The following KBTBD3 variants were observed in gnomAD, a reference collection of about 807,000 sequenced individuals.
The protein encoded by KBTBD3 is kelch repeat and BTB domain-containing protein 3.
In KBTBD3, 38 loss-of-function variants were observed where a neutral mutation model predicts 49.6. The ratio of observed to expected loss-of-function variants is 0.77; its 90% CI spans 0.59 to 1.00. The LOEUF (loss-of-function observed/expected upper bound fraction) is 1.00, where lower values mean the gene tolerates loss of function less well. Ranked by LOEUF, KBTBD3 falls within the 50% of genes least tolerant of loss-of-function variation. The pLI, the probability that KBTBD3 is intolerant of heterozygous loss-of-function variation, is 0.00. For synonymous variants in KBTBD3, 214 were observed against 250.4 expected (o/e 0.85, Z 1.37); for missense variants, 661 against 712.0 (o/e 0.93, Z 0.81).
rs1350924390 is a variant in KBTBD3 at position 106,052,326 on chromosome 11, CTA to C, written c.*522_*523del. The C allele has an allele frequency of 1.3e-5, 2 of 151,706 alleles. No individual in the cohort carries two copies. Among genetic ancestry groups the C allele is most frequent in the Admixed American group, 1.3e-4 (2 of 15,206 alleles). The allele number at this position is 151,706 out of a possible 1,614,324, so 9.4% of individuals were successfully genotyped here. A position where few individuals can be genotyped will look rare whatever the true frequency, so the allele number is the denominator to read the frequency against. ...AAATGAGTCATTAAAAAAAGTTAAA[CTA>C]TGTTTAGTGTACTATTTATAAAGCT... is the stretch of plus-strand genomic sequence containing the variant. On this transcript the variant is annotated 3_prime_UTR_variant, in exon 4 of 4. Coordinates refer to ENST00000531837, the MANE Select transcript of KBTBD3 (RefSeq NM_198439.3).
At position 106,058,891 on chromosome 11, in the gene KBTBD3, C is replaced by T; in HGVS notation, c.207G>A (p.Val69=). ...KDEIIPCHRC[V]LAACSDFFRA... ...TGAAAAAGTCACTGCATGCTGCTAACACACAACGATGACACGGGATTATTT... is the reference window on the plus strand; with the variant it reads ...TGAAAAAGTCACTGCATGCTGCTAATACACAACGATGACACGGGATTATTT... The change falls in exon 3 of 4, where the codon GTG becomes GTA. Residue 69 remains valine (V), a synonymous_variant. Coordinates refer to ENST00000531837, the MANE Select transcript of KBTBD3 (RefSeq NM_198439.3). 2 of 1,574,422 alleles carry T rather than the reference C, an allele frequency of 1.3e-6. No individual in the cohort carries two copies. Among genetic ancestry groups the T allele is most frequent in the Non-Finnish European group, 1.7e-6 (2 of 1,166,740 alleles).
At chr11:106,058,774 C>T (rs1306396064) in intron 3 of KBTBD3, 91 bp downstream of exon 3, 2 of 731,278 alleles carry the variant, frequency 2.7e-6, no homozygotes, top group African/African-American at 3.8e-5. Context: ...ATTACTGTTG[C>T]ATGTTCTTGT....
At chr11:106,057,521 G>C (rs1295306157) in intron 3 of KBTBD3, 2 of 152,206 alleles carry the variant, frequency 1.3e-5, no homozygotes, top group Non-Finnish European at 2.9e-5. Flanking sequence ...AAGCCTCACA[G>C]GATAGTACTA....
chr11:106,065,314 T>A (rs1466015686), intron 2 of KBTBD3, among the ~76,000 whole-genome samples: 1 of 152,192 alleles, frequency 6.6e-6, no homozygotes. Context: ...CCTGTTTTTG[T>A]TCTATACATG....
At chr11:106,070,742 G>A (rs988086918) in intron 2 of KBTBD3, among the ~76,000 whole-genome samples, 7 of 152,070 alleles carry the variant, frequency 4.6e-5, no homozygotes, top group Non-Finnish European at 8.8e-5. Flanking sequence ...GCTTGTGTGT[G>A]TGCAATAGCC....
intron 3 of KBTBD3, among the ~76,000 whole-genome samples, chr11:106,056,397 T>C (rs1860552942): frequency 6.6e-6 from 1 of 152,156 alleles, no homozygotes; most frequent in Non-Finnish European, 1.5e-5. Context: ...AAGAAATATG[T>C]GCAAAAATTA....
At position 106,052,735 on chromosome 11, in the gene KBTBD3, A is replaced by G. The variant is rs1860444698; in HGVS notation, c.*115T>C. Reference sequence around the variant, plus strand: ...GTTTATTCATATATGGTGTACATACATAATAACTAAAAGCAGGAATGTTTT... The same window carrying G: ...GTTTATTCATATATGGTGTACATACGTAATAACTAAAAGCAGGAATGTTTT... On this transcript the variant is annotated 3_prime_UTR_variant, in exon 4 of 4. Transcript: ENST00000531837. The G allele has an allele frequency of 1.2e-6, 1 of 818,410 alleles. No individual in the cohort carries two copies. The highest frequency in any genetic ancestry group is 2.6e-5 in the Admixed American group (1 of 39,198). The allele number at this position is 818,410 out of a possible 1,614,324, so 50.7% of individuals were successfully genotyped here. A position where few individuals can be genotyped will look rare whatever the true frequency, so the allele number is the denominator to read the frequency against.
At chr11:106,061,926 A>G (rs1019653832) in intron 2 of KBTBD3, among the ~76,000 whole-genome samples, 2 of 151,880 alleles carry the variant, frequency 1.3e-5, no homozygotes, top group Non-Finnish European at 2.9e-5. Flanking sequence ...AGATTAATAC[A>G]TCTGCCTAGT....
Position 106,051,815 on chromosome 11 carries a change from A to C in KBTBD3, c.*1035T>G, listed in dbSNP as rs1024814351. 1 of 151,894 alleles carries C rather than the reference A, an allele frequency of 6.6e-6. No individual in the cohort carries two copies. Among genetic ancestry groups the C allele is most frequent in the Admixed American group, 6.6e-5 (1 of 15,224 alleles). The allele number at this position is 151,894 out of a possible 1,614,324, so 9.4% of individuals were successfully genotyped here. A position where few individuals can be genotyped will look rare whatever the true frequency, so the allele number is the denominator to read the frequency against. On this transcript the variant is annotated 3_prime_UTR_variant, in exon 4 of 4. Transcript: ENST00000531837. The stretch of plus-strand genomic sequence containing the variant: ...TTTTAATTTAGAAAATAATTCACTA[A>C]GAATAATTTACTGAAGTAGTAAACC...
At chr11:106,061,274 A>AT (rs1301642263) in intron 2 of KBTBD3, among the ~76,000 whole-genome samples, 1 of 152,216 alleles carries the variant, frequency 6.6e-6, no homozygotes, top group Non-Finnish European at 1.5e-5. Context: ...TTAAGGCTCC[A>AT]TTCCAGGACC....
intron 2 of KBTBD3, among the ~76,000 whole-genome samples, 170 bp from the exon 3 acceptor site, chr11:106,059,279 T>C (rs1860632897): frequency 6.6e-6 from 1 of 152,240 alleles, no homozygotes; most frequent in Admixed American, 6.5e-5. Context: ...TAAATTCCTT[T>C]TGAATTTTCA....
chr11:106,053,133 TA>T lies in KBTBD3; in HGVS notation c.1555del (p.Tyr519IlefsTer38), dbSNP rs751427564. The T allele has an allele frequency of 6.2e-7, 1 of 1,613,646 alleles. No homozygotes were observed. Among genetic ancestry groups the T allele is most frequent in the Admixed American group, 1.7e-5 (1 of 59,898 alleles). ...GTCTGGACAAAAACTATAAACCTTATAGGTGGAAAGGTCACATATATACAGT... is the reference window on the plus strand; with the variant it reads ...GTCTGGACAAAAACTATAAACCTTATGGTGGAAAGGTCACATATATACAGT... The part of the protein sequence containing the change: ...CTLYICDLST[Y>X]KVYSFCPDTC... On this transcript the variant is annotated frameshift_variant, in exon 4 of 4. Coordinates refer to ENST00000531837, the MANE Select transcript of KBTBD3 (RefSeq NM_198439.3). LOFTEE classifies it high-confidence loss of function.
In KBTBD3 at chr11:106,054,807, G is replaced by T. The variant is rs559342275; in HGVS notation, c.234-352C>A. On this transcript the variant is annotated intron_variant, in intron 3 of 3. Transcript: ENST00000531837. Reference sequence around the variant, plus strand: ...TTTATTTATGGATTAATTAGTAACAGCTGTGCTGGTGATAACTAAAATTAC... The same window carrying T: ...TTTATTTATGGATTAATTAGTAACATCTGTGCTGGTGATAACTAAAATTAC... 2.0e-5 allele frequency among the ~76,000 whole-genome samples: 3 copies of T among 152,088 alleles called. No homozygotes were observed. The South Asian group carries it at 6.2e-4, about 31-fold the overall frequency.
chr11:106,055,437 C>A (rs1378631926), intron 3 of KBTBD3, among the ~76,000 whole-genome samples: 1 of 152,100 alleles, frequency 6.6e-6, no homozygotes, highest in East Asian at 1.9e-4. Flanking sequence ...GTAATGAAAT[C>A]TATTTAAAAA....
rs1860478369 is a variant in KBTBD3 at position 106,053,607 on chromosome 11, T to C, written c.1082A>G (p.His361Arg). Residue 361 changes from histidine to arginine, a missense_variant, in exon 4 of 4, where the codon CAT becomes CGT. By Grantham distance (29) the His-to-Arg change is conservative. Transcript: ENST00000531837. ...KGKCCRTVRL[H>R]IAESYHDATD... ...GGCATCATGATATGACTCGGCAATATGCAGTCGAACCGTTCGACAACATTT... is the reference window on the plus strand; with the variant it reads ...GGCATCATGATATGACTCGGCAATACGCAGTCGAACCGTTCGACAACATTT... 2 of 1,613,802 alleles carry C rather than the reference T, an allele frequency of 1.2e-6. No individual in the cohort carries two copies. Among genetic ancestry groups the C allele is most frequent in the Non-Finnish European group, 1.7e-6 (2 of 1,179,912 alleles).
intron 2 of KBTBD3, among the ~76,000 whole-genome samples, chr11:106,074,054 A>T (rs891491524): frequency 6.6e-6 from 1 of 152,186 alleles, no homozygotes; most frequent in Non-Finnish European, 1.5e-5. Flanking sequence ...CTAGAAATAC[A>T]GCGAAAAACA....
intron 3 of KBTBD3, among the ~76,000 whole-genome samples, chr11:106,056,807 A>G (rs1176029020): frequency 4.6e-5 from 7 of 152,164 alleles, no homozygotes; most frequent in African/African-American, 7.2e-5. Flanking sequence ...CCACTACTTA[A>G]CCACTGTACC....
At chr11:106,071,568 T>C (rs1309693394) in intron 2 of KBTBD3, among the ~76,000 whole-genome samples, 1 of 152,188 alleles carries the variant, frequency 6.6e-6, no homozygotes, top group African/African-American at 2.4e-5. Context: ...TATTCACTTT[T>C]ATAACACTGT....
intron 3 of KBTBD3, among the ~76,000 whole-genome samples, chr11:106,057,128 C>A (rs1270473594): frequency 6.6e-6 from 1 of 152,106 alleles, no homozygotes; most frequent in African/African-American, 2.4e-5. Context: ...AAAGCAAGAG[C>A]CCCTACAGGA....
Sources: gnomAD v4.1 joint callset for allele counts (sites outside exome capture counted in the v4.1 genomes callset) on GRCh38, gnomAD v4.1.1 for gene constraint, MANE v1.5 for transcripts, NCBI Gene and HGNC (gene_info 2026-07-23, HGNC 2026-07-21) for gene names.